Variants in IQGAP2 observed in about 807,000 individuals in gnomAD.
The protein encoded by IQGAP2 is IQ motif containing GTPase activating protein 2.
IQGAP2 carries 173 observed loss-of-function variants against 201.3 expected under a neutral mutation model. The observed-to-expected ratio is 0.86, with a 90% CI of 0.76 to 0.98. The LOEUF (loss-of-function observed/expected upper bound fraction) is 0.98, where lower values mean the gene tolerates loss of function less well. Ranked by LOEUF, IQGAP2 falls within the 50% of genes least tolerant of loss-of-function variation. IQGAP2 has a pLI of 0.00. For synonymous variants in IQGAP2, 675 were observed against 673.9 expected, an observed-to-expected ratio of 1.00 and a Z score of -0.03; for missense variants, 1,687 against 1,864.8, an observed-to-expected ratio of 0.90 and a Z score of 1.76.
chr5:76,591,154 T>C (rs1480033849), intron 8 of IQGAP2, among the ~76,000 whole-genome samples: 1 of 152,176 alleles, frequency 6.6e-6, no homozygotes, highest in Non-Finnish European at 1.5e-5. Flanking sequence ...TTAAAAGTCA[T>C]GTTGCAAACT....
At chr5:76,499,704 G>T (rs2150166907) in intron 2 of IQGAP2, among the ~76,000 whole-genome samples, 1 of 152,296 alleles carries the variant, frequency 6.6e-6, no homozygotes, top group South Asian at 2.1e-4. Flanking sequence ...GGAGCAAGCT[G>T]CTTAACCTTT....
At chr5:76,479,720 T>C (rs953449274) in intron 2 of IQGAP2, among the ~76,000 whole-genome samples, 1 of 152,070 alleles carries the variant, frequency 6.6e-6, no homozygotes, top group Non-Finnish European at 1.5e-5. Flanking sequence ...ACAAATAGAT[T>C]TAAGTAGGCT....
intron 20 of IQGAP2, among the ~76,000 whole-genome samples, chr5:76,656,193 T>G (rs187001700): frequency 8.0e-5 from 12 of 149,386 alleles, no homozygotes; most frequent in African/African-American, 3.0e-4. Flanking sequence ...TGGGGTTTTT[T>G]GTTGGTTTTT....
At chr5:76,427,871 G>C (rs1752102042) in intron 1 of IQGAP2, among the ~76,000 whole-genome samples, 1 of 152,258 alleles carries the variant, frequency 6.6e-6, no homozygotes, top group African/African-American at 2.4e-5. Context: ...TCAGCAATCT[G>C]TTGTGTGCGG....
chr5:76,428,790 T>A (rs1298165926), intron 1 of IQGAP2, among the ~76,000 whole-genome samples: 1 of 144,132 alleles, frequency 6.9e-6, no homozygotes, highest in African/African-American at 2.6e-5. Flanking sequence ...CCAACTTACT[T>A]AAAAAAAAAA....
chr5:76,535,513 A>G (rs1759571387), intron 2 of IQGAP2, among the ~76,000 whole-genome samples: 1 of 152,200 alleles, frequency 6.6e-6, no homozygotes, highest in African/African-American at 2.4e-5. Flanking sequence ...CAAAAATAAA[A>G]TAATTTCAAG....
intron 1 of IQGAP2, among the ~76,000 whole-genome samples, chr5:76,449,912 G>A (rs1010764503): frequency 3.3e-5 from 5 of 152,310 alleles, no homozygotes; most frequent in Non-Finnish European, 5.9e-5. Context: ...AAGCAGTACA[G>A]CATGAATTAT....
chr5:76,427,389 C>T (rs1752070767), intron 1 of IQGAP2, among the ~76,000 whole-genome samples: 2 of 151,994 alleles, frequency 1.3e-5, no homozygotes, highest in African/African-American at 4.8e-5. Flanking sequence ...AATGAAATAC[C>T]CTCACTTTCA....
chr5:76,633,998 A>G (rs1045591748), intron 15 of IQGAP2, among the ~76,000 whole-genome samples: 2 of 150,936 alleles, frequency 1.3e-5, no homozygotes, highest in Admixed American at 1.3e-4. Context: ...TGCTATGAAT[A>G]TTCATGTCCA....
At chr5:76,477,795 A>T (rs1177232268) in intron 2 of IQGAP2, among the ~76,000 whole-genome samples, 1 of 152,142 alleles carries the variant, frequency 6.6e-6, no homozygotes, top group East Asian at 1.9e-4. Context: ...GAAGACAGTG[A>T]TATTGATGAT....
At chr5:76,556,032 G>A (rs998127209) in intron 2 of IQGAP2, among the ~76,000 whole-genome samples, 4 of 152,160 alleles carry the variant, frequency 2.6e-5, no homozygotes, top group African/African-American at 9.7e-5. Context: ...GAAAATTTAG[G>A]ACACATACAC....
chr5:76,404,969 AG>A (rs1434897054), intron 1 of IQGAP2, among the ~76,000 whole-genome samples: 1 of 152,196 alleles, frequency 6.6e-6, no homozygotes, highest in Non-Finnish European at 1.5e-5. Context: ...GTGCTCATTC[AG>A]TGTTTGCAGT....
At chr5:76,619,878 A>G (rs1749463812) in intron 13 of IQGAP2, among the ~76,000 whole-genome samples, 1 of 152,144 alleles carries the variant, frequency 6.6e-6, no homozygotes, top group Non-Finnish European at 1.5e-5. Flanking sequence ...TATAATCATA[A>G]CAGTCCATAT....
chr5:76,453,648 T>C (rs762025039), intron 1 of IQGAP2, among the ~76,000 whole-genome samples: 7 of 152,218 alleles, frequency 4.6e-5, no homozygotes, highest in Non-Finnish European at 1.0e-4. Context: ...ACTGTTGTTA[T>C]AAGACCTGCT....
chr5:76,425,413 C>G (rs149786341), intron 1 of IQGAP2, among the ~76,000 whole-genome samples: 9 of 152,084 alleles, frequency 5.9e-5, no homozygotes, highest in African/African-American at 2.2e-4. Flanking sequence ...TGCAGAACCA[C>G]GGACACAACT....
At chr5:76,642,131 G>A (rs1311337350) in intron 17 of IQGAP2, among the ~76,000 whole-genome samples, 1 of 152,210 alleles carries the variant, frequency 6.6e-6, no homozygotes, top group Non-Finnish European at 1.5e-5. Flanking sequence ...TAAACAAATA[G>A]TAGGCAAAAC....
chr5:76,524,185 A>C (rs921053042), intron 2 of IQGAP2, among the ~76,000 whole-genome samples: 1 of 152,224 alleles, frequency 6.6e-6, no homozygotes, highest in Non-Finnish European at 1.5e-5. Context: ...TTTGGTCTTA[A>C]TAATGCAAGG....
At chr5:76,483,302 C>T (rs1005625619) in intron 2 of IQGAP2, among the ~76,000 whole-genome samples, 14 of 152,200 alleles carry the variant, frequency 9.2e-5, no homozygotes, top group Non-Finnish European at 1.9e-4. Flanking sequence ...ATACAGGCCC[C>T]TCTGTTGTAG....
At chr5:76,457,475 C>A (rs950301281) in intron 1 of IQGAP2, among the ~76,000 whole-genome samples, 3 of 152,078 alleles carry the variant, frequency 2.0e-5, no homozygotes, top group African/African-American at 7.2e-5. Context: ...TTTGAGAGAC[C>A]TTTTGAGTCA....
Sources: allele counts gnomAD v4.1 joint callset (sites outside exome capture counted in the v4.1 genomes callset), GRCh38; gene constraint gnomAD v4.1.1; transcripts MANE v1.5; gene names NCBI Gene and HGNC (gene_info 2026-07-23, HGNC 2026-07-21).